USP34: variants seen among roughly 807,000 people sequenced by gnomAD.
USP34 encodes the protein ubiquitin carboxyl-terminal hydrolase 34.
USP34 carries 70 observed loss-of-function variants against 460.3 expected under a neutral mutation model. The ratio of observed to expected loss-of-function variants is 0.15; its 90% CI spans 0.13 to 0.19. The LOEUF (loss-of-function observed/expected upper bound fraction) is 0.19. USP34 is among the 10% of genes least tolerant of loss of function. The pLI, the probability that USP34 is intolerant of heterozygous loss-of-function variation, is 1.00. For missense variants in USP34, 3,985 were observed against 4,236.2 expected (o/e 0.94, Z 1.65); for synonymous variants, 1,647 against 1,405.3 (o/e 1.17, Z -3.85).
At chr2:61,391,140 T>G (rs1017272500) in intron 5 of USP34, among the ~76,000 whole-genome samples, 2 of 151,152 alleles carry the variant, frequency 1.3e-5, no homozygotes, top group African/African-American at 4.9e-5. Context: ...AAAGTTACCT[T>G]GCCTCAGTAA....
intron 16 of USP34, among the ~76,000 whole-genome samples, chr2:61,341,076 T>A (rs955133710): frequency 6.6e-6 from 1 of 151,294 alleles, no homozygotes; most frequent in African/African-American, 2.5e-5. Context: ...GAACTGCACA[T>A]AAGTAATACA....
chr2:61,344,759 G>A (rs1691712745), intron 15 of USP34, among the ~76,000 whole-genome samples: 1 of 152,124 alleles, frequency 6.6e-6, no homozygotes, highest in Non-Finnish European at 1.5e-5. Flanking sequence ...GGACAACTGT[G>A]AATGTTTGTA....
chr2:61,345,374 G>A (rs1691736981), intron 15 of USP34, among the ~76,000 whole-genome samples: 1 of 152,006 alleles, frequency 6.6e-6, no homozygotes, highest in Non-Finnish European at 1.5e-5. Context: ...AAAAGCAAAG[G>A]AAATAAAGAA....
chr2:61,416,075 A>G (rs996832274), intron 2 of USP34, among the ~76,000 whole-genome samples: 1 of 152,200 alleles, frequency 6.6e-6, no homozygotes, highest in African/African-American at 2.4e-5. Flanking sequence ...TGAAAGAATG[A>G]AAGGACTATT....
Position 61,343,867 on chromosome 2 carries a change from G to A in USP34, c.2448C>T (p.Leu816=), listed in dbSNP as rs779664561. 3.7e-6 allele frequency: 6 copies of A among 1,613,976 alleles called. No homozygotes were observed. The South Asian group carries it at 5.5e-5, about 15-fold the overall frequency. Residue 816 remains leucine, a synonymous_variant, in exon 16 of 80, where the codon CTC becomes CTT. Transcript: ENST00000398571. The part of the protein sequence containing the change: ...INSHAELTSH[L]QQHLPNLASI... ...AAGCTAAATTGGGAAGATGTTGTTG[G>A]AGGTGAGATGTCAGTTCCGCATGTG... is the stretch of plus-strand genomic sequence containing the variant.
At chr2:61,215,986 G>A (rs972339884) in intron 67 of USP34, among the ~76,000 whole-genome samples, 1 of 152,058 alleles carries the variant, frequency 6.6e-6, no homozygotes, top group Non-Finnish European at 1.5e-5. Flanking sequence ...GTCTGAGTTT[G>A]GGTTCTTTTC....
Position 61,280,236 on chromosome 2 carries a change from G to A in USP34, c.5256+8C>T, listed in dbSNP as rs755307035. 1 of 1,481,796 alleles carries A rather than the reference G, an allele frequency of 6.7e-7. No individual in the cohort carries two copies. The highest frequency in any genetic ancestry group is 2.1e-5 in the Admixed American group (1 of 48,712). 91.8% of individuals were successfully genotyped at this position (1,481,796 alleles called of 1,614,324 possible). ...TACATAGAATAGTATATAATTTTCT[G>A]AACATACCTGACTAGCGTCCTTTAT... On this transcript the variant is annotated splice_region_variant and intron_variant, in intron 39 of 79. Coordinates refer to ENST00000398571, the MANE Select transcript of USP34 (RefSeq NM_014709.4).
rs530434889 is a variant in USP34, at chr2:61,363,721, C to A, written c.1251+6600G>T. Among the ~76,000 whole-genome samples, 14 of 152,186 alleles carry A rather than the reference C, an allele frequency of 9.2e-5. No homozygotes were observed. In the East Asian group the frequency reaches 2.3e-3, roughly 25 times the overall value. ...ACACATGACTGTATATACAAAATAACTGAAAGCAGGAAATGGAACAGATAT... is the reference window on the plus strand; with the variant it reads ...ACACATGACTGTATATACAAAATAAATGAAAGCAGGAAATGGAACAGATAT... On this transcript the variant is annotated intron_variant, in intron 10 of 79. Transcript: ENST00000398571.
chr2:61,305,906 C>G (rs1432024254), intron 27 of USP34, among the ~76,000 whole-genome samples: 1 of 152,126 alleles, frequency 6.6e-6, no homozygotes, highest in Non-Finnish European at 1.5e-5. Flanking sequence ...AGTGTCTGTT[C>G]ATATCCTTTG....
At position 61,314,925 on chromosome 2, in the gene USP34, C is replaced by T. The variant is rs1320557523; in HGVS notation, c.3332G>A (p.Gly1111Asp). 1.2e-6 allele frequency: 2 copies of T among 1,613,830 alleles called. No homozygotes were observed. Among genetic ancestry groups the T allele is most frequent in the Non-Finnish European group, 1.7e-6 (2 of 1,179,906 alleles). The change falls in exon 24 of 80, where the codon GGT (glycine) becomes GAT (aspartate). Residue 1111 changes from glycine (G) to aspartate (D), a missense_variant. Around this residue, in one of 14 missense-constraint regions of USP34, gnomAD observed 1,114 missense variants for 1,122.5 expected, o/e 0.99. Transcript: ENST00000398571. ...CTGGATAGCTGCTCGACTGACATCA[C>T]CAGATTGTGCTCTTAAAGCAATGCC... ...FWGIALRAQS[G>D]DVSRAAIQYI...
intron 39 of USP34, among the ~76,000 whole-genome samples, 173 bp from the exon 40 acceptor site, chr2:61,278,616 T>C (rs546722896): frequency 2.0e-5 from 3 of 152,264 alleles, no homozygotes; most frequent in African/African-American, 7.2e-5. Context: ...ATTAACCAAA[T>C]GAGTCTTAAA....
intron 65 of USP34, among the ~76,000 whole-genome samples, chr2:61,222,383 G>C (rs1014085169): frequency 6.6e-6 from 1 of 151,928 alleles, no homozygotes; most frequent in Non-Finnish European, 1.5e-5. Flanking sequence ...CTGGCATCCA[G>C]GTGGCACTCT....
intron 3 of USP34, among the ~76,000 whole-genome samples, chr2:61,396,352 ATTC>A (rs1259600533): frequency 5.3e-5 from 8 of 152,308 alleles, no homozygotes; most frequent in African/African-American, 1.9e-4. Flanking sequence ...TGACCCAGCA[ATTC>A]TAGCTTTTTG....
At chr2:61,276,676 C>G (rs1025522191) in intron 41 of USP34, among the ~76,000 whole-genome samples, 1 of 152,014 alleles carries the variant, frequency 6.6e-6, no homozygotes, top group African/African-American at 2.4e-5. Context: ...AAGTTATATA[C>G]TAGTTTATAT....
chr2:61,401,593 G>A lies in USP34; in HGVS notation c.552+4115C>T, dbSNP rs375136792. Among the ~76,000 whole-genome samples, 151 of 135,114 alleles carry A rather than the reference G, an allele frequency of 1.1e-3. 7 individuals carry two copies. In the South Asian group the frequency reaches 0.034, roughly 31 times the overall value. The allele number at this position is 135,114 out of a possible 152,430, so 88.6% of individuals were successfully genotyped here. The stretch of plus-strand genomic sequence containing the variant: ...AGACAGAGTCTCACTCTGTCACCTA[G>A]GGTGGAGTGCAGTGGCACGATCTCA... On this transcript the variant is annotated intron_variant, in intron 3 of 79. Coordinates refer to ENST00000398571, the MANE Select transcript of USP34 (RefSeq NM_014709.4).
chr2:61,223,238 A>T lies in USP34; in HGVS notation c.7644+10T>A. 6.2e-7 allele frequency: 1 copy of T among 1,613,948 alleles called. No individual in the cohort carries two copies. The highest frequency in any genetic ancestry group is 8.5e-7 in the Non-Finnish European group (1 of 1,179,924). On this transcript the variant is annotated intron_variant, in intron 63 of 79. Coordinates refer to ENST00000398571, the MANE Select transcript of USP34 (RefSeq NM_014709.4). ...ATGATCAAATTGTCTAATATTAGAG[A>T]ATGTACTACCTTTCCTCCTGTTAAT...
intron 5 of USP34, among the ~76,000 whole-genome samples, chr2:61,387,434 C>T (rs963084828): frequency 6.6e-6 from 1 of 151,720 alleles, no homozygotes; most frequent in East Asian, 1.9e-4. Context: ...CACTGCACTA[C>T]ATCCTGGGCA....
intron 1 of USP34, among the ~76,000 whole-genome samples, chr2:61,467,955 A>G (rs1304503351): frequency 6.6e-6 from 1 of 151,966 alleles, no homozygotes; most frequent in Non-Finnish European, 1.5e-5. Context: ...TCAACGTTGA[A>G]CTGATGCTCA....
chr2:61,346,742 G>A (rs1229916391), intron 15 of USP34, among the ~76,000 whole-genome samples: 1 of 144,130 alleles, frequency 6.9e-6, no homozygotes, highest in East Asian at 2.1e-4. Context: ...TGAAGCAGAA[G>A]AATCGCTTGA....
Sources: gnomAD v4.1 joint callset for allele counts (sites outside exome capture counted in the v4.1 genomes callset) on GRCh38, gnomAD v4.1.1 for gene constraint, gnomAD v4.1.1 regional missense constraint, MANE v1.5 for transcripts, NCBI Gene and HGNC (gene_info 2026-07-23, HGNC 2026-07-21) for gene names.